Variants in TAF2 observed in about 807,000 individuals in gnomAD.
TAF2 encodes TATA-box binding protein associated factor 2.
In TAF2, 61 loss-of-function variants were observed where a neutral mutation model predicts 138.5. That is an observed-to-expected ratio of 0.44 (90% CI 0.36 to 0.54). TAF2 has a LOEUF of 0.54. Ranked by LOEUF, TAF2 falls within the 20% of genes least tolerant of loss-of-function variation. The pLI is 0.00. For missense variants in TAF2, 1,090 were observed against 1,427.9 expected (o/e 0.76, Z 3.81); for synonymous variants, 475 against 469.9 (o/e 1.01, Z -0.14).
intron 11 of TAF2, 75 bp downstream of exon 11, chr8:119,791,249 C>G: frequency 6.4e-7 from 1 of 1,562,820 alleles, no homozygotes; most frequent in Non-Finnish European, 8.7e-7. Flanking sequence ...GACTCCTATT[C>G]TACAGAAACA....
At chr8:119,769,044 A>G (rs1821643842) in intron 18 of TAF2, among the ~76,000 whole-genome samples, 1 of 152,214 alleles carries the variant, frequency 6.6e-6, no homozygotes, top group Non-Finnish European at 1.5e-5. Context: ...CAGAGACTTC[A>G]GTGCATTTCA....
chr8:119,755,392 G>GTAATCCC (rs1263572021), intron 22 of TAF2, among the ~76,000 whole-genome samples: 1 of 152,180 alleles, frequency 6.6e-6, no homozygotes, highest in East Asian at 1.9e-4. Flanking sequence ...AGCTACTCGG[G>GTAATCCC]AGGGTAAGGC....
At chr8:119,823,364 G>A (rs1408003625) in intron 2 of TAF2, among the ~76,000 whole-genome samples, 3 of 152,168 alleles carry the variant, frequency 2.0e-5, no homozygotes, top group Non-Finnish European at 4.4e-5. Context: ...TGTGTTGTGG[G>A]AGACCTGGTG....
rs779140025 is a variant in TAF2 at position 119,762,479 on chromosome 8, C to T, written c.2494G>A (p.Glu832Lys). 2 of 1,613,870 alleles carry T rather than the reference C, an allele frequency of 1.2e-6. No homozygotes were observed. The highest frequency in any genetic ancestry group is 1.7e-6 in the Non-Finnish European group (2 of 1,179,952). ...LNPDVRLILE[E>K]ITRFLNMEKL... Reference sequence around the variant, plus strand: ...TCCATATTCAAAAATCTGGTGATTTCTTCAAGAATGAGTCGCACATCAGGA... The same window carrying T: ...TCCATATTCAAAAATCTGGTGATTTTTTCAAGAATGAGTCGCACATCAGGA... Residue 832 changes from glutamate to lysine, a missense_variant, in exon 19 of 26, where the codon GAA becomes AAA. Physicochemically the swap from Glu to Lys is moderately conservative, Grantham distance 56 (BLOSUM62 1). Coordinates refer to ENST00000378164, the MANE Select transcript of TAF2 (RefSeq NM_003184.4).
At chr8:119,797,252 T>G (rs1281789984) in intron 7 of TAF2, 149 bp from the exon 8 acceptor site, 2 of 673,134 alleles carry the variant, frequency 3.0e-6, no homozygotes, top group Non-Finnish European at 5.1e-6. Flanking sequence ...TTAGCTAAAA[T>G]TCATCATCTT....
At chr8:119,821,960 A>C (rs1442920098) in intron 2 of TAF2, among the ~76,000 whole-genome samples, 1 of 152,068 alleles carries the variant, frequency 6.6e-6, no homozygotes, top group Non-Finnish European at 1.5e-5. Context: ...TGAGCCTGGG[A>C]GGTTGAGGCT....
chr8:119,762,767 GTCAC>G, intron 18 of TAF2, 159 bp from the exon 19 acceptor site: 1 of 606,942 alleles, frequency 1.6e-6, no homozygotes, highest in South Asian at 2.1e-5. Context: ...TTTGCATGTG[GTCAC>G]TCTGAAAACA....
chr8:119,748,451 A>G (rs1820129709), intron 22 of TAF2, among the ~76,000 whole-genome samples: 1 of 151,320 alleles, frequency 6.6e-6, no homozygotes, highest in Non-Finnish European at 1.5e-5. Context: ...TGTGCATGCT[A>G]TAATGTTGTG....
intron 2 of TAF2, among the ~76,000 whole-genome samples, chr8:119,828,292 T>C (rs1020252867): frequency 1.3e-5 from 2 of 152,196 alleles, no homozygotes; most frequent in African/African-American, 4.8e-5. Flanking sequence ...TTCCATTCCA[T>C]TGGAAGTTGA....
intron 3 of TAF2, among the ~76,000 whole-genome samples, chr8:119,815,976 C>T (rs1586525646): frequency 6.6e-6 from 1 of 151,766 alleles, no homozygotes; most frequent in East Asian, 1.9e-4. Flanking sequence ...CTTTCAGCCT[C>T]TTATCCAAGT....
chr8:119,806,908 A>G (rs1824697316), intron 3 of TAF2, among the ~76,000 whole-genome samples: 1 of 152,216 alleles, frequency 6.6e-6, no homozygotes, highest in Admixed American at 6.5e-5. Context: ...TATGAATACA[A>G]CAGAATATAT....
At chr8:119,804,646 G>A (rs1405470335) in intron 4 of TAF2, among the ~76,000 whole-genome samples, 1 of 152,088 alleles carries the variant, frequency 6.6e-6, no homozygotes, top group Non-Finnish European at 1.5e-5. Flanking sequence ...AAGATTGTGA[G>A]GTCTCCCCAG....
chr8:119,775,151 C>T (rs1184996040), intron 18 of TAF2, among the ~76,000 whole-genome samples: 1 of 151,138 alleles, frequency 6.6e-6, no homozygotes, highest in Non-Finnish European at 1.5e-5. Flanking sequence ...TGTGGCAGCT[C>T]GTGCCTGTAA....
intron 20 of TAF2, among the ~76,000 whole-genome samples, chr8:119,759,846 A>G (rs1431019938): frequency 6.6e-6 from 1 of 152,160 alleles, no homozygotes; most frequent in Non-Finnish European, 1.5e-5. Flanking sequence ...ATTTTCCCTA[A>G]AAATGACATA....
Position 119,832,468 on chromosome 8 carries a change from G to A in TAF2, c.83+14C>T, listed in dbSNP as rs1563938126. ...AAAACCAAAAGGAAGGAAGGGAAAT[G>A]AAAAAATACTTATAATTTATATGGC... is the stretch of plus-strand genomic sequence containing the variant. On this transcript the variant is annotated intron_variant, in intron 1 of 25. Transcript: ENST00000378164. 6.2e-7 allele frequency: 1 copy of A among 1,612,264 alleles called. No individual in the cohort carries two copies.
intron 3 of TAF2, among the ~76,000 whole-genome samples, chr8:119,817,408 C>T (rs1375753949): frequency 6.6e-6 from 1 of 152,142 alleles, no homozygotes; most frequent in Non-Finnish European, 1.5e-5. Flanking sequence ...TCGCACACTA[C>T]TTATGAGAAT....
At chr8:119,737,651 G>A (rs1183396542) in intron 25 of TAF2, among the ~76,000 whole-genome samples, 1 of 151,692 alleles carries the variant, frequency 6.6e-6, no homozygotes, top group African/African-American at 2.4e-5. Context: ...TAGGATTACA[G>A]GTGCGTACCA....
In TAF2 at chr8:119,773,737, T is replaced by C. The variant is rs1327730990; in HGVS notation, c.2364+4282A>G. 2.6e-5 allele frequency among the ~76,000 whole-genome samples: 4 copies of C among 151,560 alleles called. 1 individual carries two copies. Among genetic ancestry groups the C allele is most frequent in the Admixed American group, 2.0e-4 (3 of 14,738 alleles). Reference sequence around the variant, plus strand: ...ATTCCTCCTCTCCTGTTCTTTCACCTCAACAACTTACAGCTCTCTCTAGAT... The same window carrying C: ...ATTCCTCCTCTCCTGTTCTTTCACCCCAACAACTTACAGCTCTCTCTAGAT... On this transcript the variant is annotated intron_variant, in intron 18 of 25. Transcript: ENST00000378164.
rs780593349 is a variant in TAF2, at chr8:119,788,453, A to T, written c.1684-6T>A. On this transcript the variant is annotated splice_polypyrimidine_tract_variant and splice_region_variant and intron_variant, in intron 13 of 25. Coordinates refer to ENST00000378164, the MANE Select transcript of TAF2 (RefSeq NM_003184.4). Reference sequence around the variant, plus strand: ...ACTGTCACTTTAAGTGGTCCCTTTTAAAAAAAAAACGTACTGTTCAGAGAT... The same window carrying T: ...ACTGTCACTTTAAGTGGTCCCTTTTTAAAAAAAAACGTACTGTTCAGAGAT... 2.4e-5 allele frequency: 37 copies of T among 1,535,064 alleles called. No individual in the cohort carries two copies. Among genetic ancestry groups the T allele is most frequent in the African/African-American group, 2.4e-4 (15 of 63,396 alleles).
Sources: gnomAD v4.1 joint callset for allele counts (sites outside exome capture counted in the v4.1 genomes callset) on GRCh38, gnomAD v4.1.1 for gene constraint, MANE v1.5 for transcripts, NCBI Gene and HGNC (gene_info 2026-07-23, HGNC 2026-07-21) for gene names.